The following MFRP variants were observed in gnomAD, a reference collection of about 807,000 sequenced individuals.
The protein encoded by MFRP is membrane frizzled-related protein, also known as C1q and TNF related 5.
Under a neutral mutation model 65.8 loss-of-function variants are expected in MFRP, and 74 were observed. The observed-to-expected ratio is 1.12, with a 90% CI of 0.93 to 1.36. The LOEUF is 1.36. Ranked by LOEUF, MFRP falls within the 40% of genes most tolerant of loss-of-function variation. MFRP has a pLI of 0.00. For synonymous variants in MFRP, 336 were observed against 288.3 expected, an observed-to-expected ratio of 1.17 and a Z score of -1.68; for missense variants, 838 against 736.0, an observed-to-expected ratio of 1.14 and a Z score of -1.60.
intron 1 of MFRP, 38 bp downstream of exon 1, chr11:119,346,422 T>C (rs758513934): frequency 6.2e-7 from 1 of 1,613,590 alleles, no homozygotes; most frequent in Admixed American, 1.7e-5. Context: ...TGACCACTGG[T>C]GCTGGGTCTT....
At chr11:119,346,211 AT>A (rs1398838546) in intron 2 of MFRP, 52 bp from the exon 3 acceptor site, 1 of 1,568,580 alleles carries the variant, frequency 6.4e-7, no homozygotes, top group Non-Finnish European at 8.7e-7. Flanking sequence ...GGTATTCCTC[AT>A]GCTGTCCTTG....
In MFRP at chr11:119,345,787, G is replaced by A. The variant is rs914207404; in HGVS notation, c.413C>T (p.Pro138Leu). 1.2e-6 allele frequency: 2 copies of A among 1,613,698 alleles called. No individual in the cohort carries two copies. Among genetic ancestry groups the A allele is most frequent in the South Asian group, 1.1e-5 (1 of 91,076 alleles). Reference sequence around the variant, plus strand: ...CCAGTACTCACTGGACTGTGGGGAGGGGCTCACGCCTGACTCCTGCTGCCC... The same window carrying A: ...CCAGTACTCACTGGACTGTGGGGAGAGGCTCACGCCTGACTCCTGCTGCCC... ...PKGQQESGVS[P>L]SPQSTCGGLL... Residue 138 changes from proline to leucine, a missense_variant, in exon 4 of 15, where the codon CCC becomes CTC. Coordinates refer to ENST00000619721, the MANE Select transcript of MFRP (RefSeq NM_031433.4).
chr11:119,344,240 T>C, intron 8 of MFRP, 75 bp downstream of exon 8: 2 of 1,368,768 alleles, frequency 1.5e-6, no homozygotes, highest in Non-Finnish European at 2.1e-6. Context: ...TACCATGCCA[T>C]TCCCATTACA....
Position 119,340,191 on chromosome 11 carries a change from C to T in MFRP, c.*1103G>A. Reference sequence around the variant, plus strand: ...GCGGCGGTGCCTTCTTACCCGGCCTCCCGCCCTCGCCTTTCTCTCCCGGAG... The same window carrying T: ...GCGGCGGTGCCTTCTTACCCGGCCTTCCGCCCTCGCCTTTCTCTCCCGGAG... On this transcript the variant is annotated 3_prime_UTR_variant, in exon 14 of 15. Transcript: ENST00000619721. 6.6e-7 allele frequency: 1 copy of T among 1,515,332 alleles called. No individual in the cohort carries two copies. Among genetic ancestry groups the T allele is most frequent in the Non-Finnish European group, 8.8e-7 (1 of 1,134,538 alleles). 93.9% of individuals were successfully genotyped at this position (1,515,332 alleles called of 1,614,324 possible). A position where few individuals can be genotyped will look rare whatever the true frequency, so the allele number is the denominator to read the frequency against.
intron 11 of MFRP, 65 bp downstream of exon 11, chr11:119,342,531 C>T (rs1030164798): frequency 1.8e-5 from 28 of 1,594,866 alleles, no homozygotes; most frequent in South Asian, 5.6e-5. Flanking sequence ...CTGTGCAGTA[C>T]GGCAGTAGGG....
rs200862830 is a variant in MFRP at position 119,345,841 on chromosome 11, G to T, written c.359C>A (p.Thr120Asn). 1 of 1,613,996 alleles carries T rather than the reference G, an allele frequency of 6.2e-7. No homozygotes were observed. Among genetic ancestry groups the T allele is most frequent in the Non-Finnish European group, 8.5e-7 (1 of 1,180,010 alleles). The change falls in exon 4 of 15, where the codon ACC (threonine) becomes AAC (asparagine). Residue 120 changes from threonine to asparagine, a missense_variant. Physicochemically the swap from Thr to Asn is moderately conservative, Grantham distance 65. Coordinates refer to ENST00000619721, the MANE Select transcript of MFRP (RefSeq NM_031433.4). ...LTTTTTTPTITTSQAAGTPKG... is the reference protein window; with the variant it reads ...LTTTTTTPTINTSQAAGTPKG... ...AGGGGTCCCAGCTGCCTGAGAGGTG[G>T]TGATGGTGGGGGTGGTGGTGGTCGT...
chr11:119,345,953 G>A (rs760387843), intron 3 of MFRP, 25 bp from the exon 4 acceptor site: 1 of 1,613,630 alleles, frequency 6.2e-7, no homozygotes, highest in Non-Finnish European at 8.5e-7. Flanking sequence ...ATGGAGGGTG[G>A]CGTTCAGAGG....
chr11:119,340,754 T>A lies in MFRP; in HGVS notation c.*794A>T, dbSNP rs1455509986. The A allele has an allele frequency of 1.7e-5, 5 of 299,164 alleles. No homozygotes were observed. The East Asian group carries it at 4.5e-4, about 27-fold the overall frequency. 18.5% of individuals were successfully genotyped at this position (299,164 alleles called of 1,614,324 possible). A position where few individuals can be genotyped will look rare whatever the true frequency, so the allele number is the denominator to read the frequency against. ...GCGCTCGCTACTCCGGACCCTCCAG[T>A]TGGTGGTGCTCCAGCCCCCGCGCTT... On this transcript the variant is annotated 3_prime_UTR_variant, in exon 13 of 15. Coordinates refer to ENST00000619721, the MANE Select transcript of MFRP (RefSeq NM_031433.4).
At chr11:119,345,146 G>A (rs1950547711) in intron 5 of MFRP, 142 bp from the exon 6 acceptor site, 6 of 1,142,342 alleles carry the variant, frequency 5.3e-6, no homozygotes, top group Non-Finnish European at 7.5e-6. Flanking sequence ...GATGTCCCAG[G>A]GAGCTCTGAC....
intron 9 of MFRP, 41 bp downstream of exon 9, chr11:119,343,775 T>C: frequency 6.2e-7 from 1 of 1,612,820 alleles, no homozygotes. Context: ...TGGCAGACAG[T>C]GAGGATGGAG....
chr11:119,344,254 A>T (rs1950534453), intron 8 of MFRP, 61 bp downstream of exon 8: 1 of 1,479,330 alleles, frequency 6.8e-7, no homozygotes, highest in Non-Finnish European at 9.5e-7. Context: ...CATTACACTA[A>T]CTTGGGGATC....
At chr11:119,342,041 T>C (rs1950508177) in intron 11 of MFRP, 57 bp from the exon 12 acceptor site, 3 of 1,608,342 alleles carry the variant, frequency 1.9e-6, no homozygotes, top group Admixed American at 1.7e-5. Context: ...CTGTGGCCTG[T>C]GGCAAGTCAC....
intron 8 of MFRP, 31 bp downstream of exon 8, chr11:119,344,284 C>G (rs749992152): frequency 1.0e-5 from 16 of 1,602,894 alleles, no homozygotes; most frequent in Non-Finnish European, 1.3e-5. Flanking sequence ...CGTGTGTGCC[C>G]CTCCCGTTCT....
At chr11:119,343,322 G>C (rs546181930) in intron 9 of MFRP, among the ~76,000 whole-genome samples, 2 of 152,184 alleles carry the variant, frequency 1.3e-5, no homozygotes, top group Non-Finnish European at 2.9e-5. Context: ...ACCAGCCTGG[G>C]CGATATAGTG....
Position 119,346,322 on chromosome 11 carries a change from G to A in MFRP, c.107C>T (p.Pro36Leu), listed in dbSNP as rs1950569504. Residue 36 changes from proline to leucine, a missense_variant, in exon 2 of 15, where the codon CCC becomes CTC. Transcript: ENST00000619721. ...FEPESGPPCP[P>L]PVFPEDASYS... ...GCTGGCATCCTCTGGGAAAACTGGGGGAGGGCAGGGTGGCCCAGACTCAGG... is the reference window on the plus strand; with the variant it reads ...GCTGGCATCCTCTGGGAAAACTGGGAGAGGGCAGGGTGGCCCAGACTCAGG... 3 of 1,613,930 alleles carry A rather than the reference G, an allele frequency of 1.9e-6. No individual in the cohort carries two copies. Among genetic ancestry groups the A allele is most frequent in the Non-Finnish European group, 2.5e-6 (3 of 1,180,014 alleles).
At position 119,339,868 on chromosome 11, in the gene MFRP, G is replaced by T; in HGVS notation, c.*1111-20C>A. 6.9e-7 allele frequency: 1 copy of T among 1,457,244 alleles called. No individual in the cohort carries two copies. The highest frequency in any genetic ancestry group is 1.4e-5 in the African/African-American group (1 of 70,232). 90.3% of individuals were successfully genotyped at this position (1,457,244 alleles called of 1,614,324 possible). Reference sequence around the variant, plus strand: ...GCAGTCCTGCGGGGTAAGCGGGGCGGCAGGGTGAGAGTAGCGGCGGCTCAG... The same window carrying T: ...GCAGTCCTGCGGGGTAAGCGGGGCGTCAGGGTGAGAGTAGCGGCGGCTCAG... On this transcript the variant is annotated intron_variant, in intron 14 of 14. Coordinates refer to ENST00000619721, the MANE Select transcript of MFRP (RefSeq NM_031433.4). This position sits in a 1 kb window ranked among gnomAD's most constrained non-coding sequence, Gnocchi z 5.4.
At position 119,339,593 on chromosome 11, in the gene MFRP, G is replaced by A; in HGVS notation, c.*1366C>T. 1 of 1,613,330 alleles carries A rather than the reference G, an allele frequency of 6.2e-7. No homozygotes were observed. Among genetic ancestry groups the A allele is most frequent in the Admixed American group, 1.7e-5 (1 of 60,036 alleles). On this transcript the variant is annotated 3_prime_UTR_variant, in exon 15 of 15. Coordinates refer to ENST00000619721, the MANE Select transcript of MFRP (RefSeq NM_031433.4). The surrounding 1 kb of genome is among the most constrained non-coding windows in gnomAD (Gnocchi z 5.4). ...CTGCAGGCTGGCCCGGTAGACGGTG[G>A]CATGGACGGCGAAGTAGTAGACCCC...
chr11:119,343,691 AC>A (rs1565293821), intron 9 of MFRP, 124 bp downstream of exon 9: 2 of 1,207,152 alleles, frequency 1.7e-6, no homozygotes, highest in South Asian at 1.2e-5. Context: ...TGGTGAAGAG[AC>A]CCCCGGCCTG....
chr11:119,340,505 G>T, intron 13 of MFRP, 65 bp from the exon 14 acceptor site: 2 of 1,258,608 alleles, frequency 1.6e-6, no homozygotes, highest in South Asian at 2.6e-5. Context: ...TCCCCACCCC[G>T]GCGCGGCCCA....
Sources: gnomAD v4.1 joint callset for allele counts (sites outside exome capture counted in the v4.1 genomes callset) on GRCh38, gnomAD v4.1.1 for gene constraint, Gnocchi (gnomAD v3.1) non-coding constraint, MANE v1.5 for transcripts, NCBI Gene and HGNC (gene_info 2026-07-23, HGNC 2026-07-21) for gene names.